The following NCOA2 variants were observed in gnomAD, a reference collection of about 807,000 sequenced individuals.
NCOA2 encodes the protein nuclear receptor coactivator 2, also known as class E basic helix-loop-helix protein 75.
A neutral mutation model predicts 145.1 loss-of-function variants in NCOA2; 21 were observed. The observed-to-expected ratio is 0.14, with a 90% CI of 0.10 to 0.21. The LOEUF (loss-of-function observed/expected upper bound fraction) is 0.21. NCOA2 is among the 10% of genes least tolerant of loss of function. The pLI, the probability that NCOA2 is intolerant of heterozygous loss-of-function variation, is 1.00. For synonymous variants in NCOA2, 619 were observed against 637.5 expected (o/e 0.97, Z 0.44); for missense variants, 1,472 against 1,837.6 (o/e 0.80, Z 3.64).
intron 11 of NCOA2, among the ~76,000 whole-genome samples, chr8:70,153,471 C>T (rs745923721): frequency 2.0e-5 from 3 of 152,208 alleles, no homozygotes; most frequent in South Asian, 2.1e-4. Flanking sequence ...TAAATAAATA[C>T]AGAAATACCA....
the NCOA2 span, among the ~76,000 whole-genome samples, chr8:70,423,838 C>G: frequency 6.6e-6 from 1 of 152,174 alleles, no homozygotes; most frequent in Non-Finnish European, 1.5e-5. Flanking sequence ...GCAGCACACT[C>G]TTGTCCCACA....
chr8:70,418,732 T>C, the NCOA2 span, among the ~76,000 whole-genome samples: 1 of 152,202 alleles, frequency 6.6e-6, no homozygotes, highest in African/African-American at 2.4e-5. Flanking sequence ...AAACTACTAT[T>C]ATAGACCACT....
chr8:70,337,899 A>G (rs1443002297), intron 1 of NCOA2, among the ~76,000 whole-genome samples: 1 of 152,222 alleles, frequency 6.6e-6, no homozygotes, highest in Admixed American at 6.5e-5. Flanking sequence ...TAATGAGAAC[A>G]AAGAGACAAC....
At chr8:70,374,796 TAAAAAA>T (rs543953209) in intron 1 of NCOA2, among the ~76,000 whole-genome samples, 1 of 133,350 alleles carries the variant, frequency 7.5e-6, no homozygotes, top group Non-Finnish European at 1.6e-5. Context: ...GCTGTCTCTT[TAAAAAA>T]AAAAAAAAAG....
intron 2 of NCOA2, among the ~76,000 whole-genome samples, chr8:70,266,829 G>A (rs990193761): frequency 6.6e-6 from 1 of 152,110 alleles, no homozygotes; most frequent in African/African-American, 2.4e-5. Flanking sequence ...TATATACTAC[G>A]CATGAATTAA....
intron 4 of NCOA2, among the ~76,000 whole-genome samples, chr8:70,209,509 G>A (rs1218699854): frequency 6.6e-6 from 1 of 152,144 alleles, no homozygotes; most frequent in Non-Finnish European, 1.5e-5. Context: ...TTTCATGAAA[G>A]TAAGAGTCCA....
At chr8:70,385,547 C>A (rs1379481498) in intron 1 of NCOA2, among the ~76,000 whole-genome samples, 1 of 152,208 alleles carries the variant, frequency 6.6e-6, no homozygotes, top group African/African-American at 2.4e-5. Flanking sequence ...CCACCTCAGC[C>A]TCCTGAGTAG....
In NCOA2 at chr8:70,112,896, T is replaced by C. The variant is rs970253481; in HGVS notation, c.*736A>G. The stretch of plus-strand genomic sequence containing the variant: ...ATGAAAATTATTTCTTCTCAATTCA[T>C]GATTCAGGTGAACCAGTTTGGTTTT... On this transcript the variant is annotated 3_prime_UTR_variant, in exon 23 of 23. Transcript: ENST00000452400. 1 of 199,036 alleles carries C rather than the reference T, an allele frequency of 5.0e-6. No homozygotes were observed. The highest frequency in any genetic ancestry group is 1.0e-5 in the Non-Finnish European group (1 of 96,388). The allele number at this position is 199,036 out of a possible 1,614,324, so 12.3% of individuals were successfully genotyped here.
chr8:70,131,763 C>T, intron 16 of NCOA2, 74 bp downstream of exon 16: 1 of 1,449,446 alleles, frequency 6.9e-7, no homozygotes, highest in Non-Finnish European at 9.3e-7. Context: ...CCGTGGAGTA[C>T]CTGTAAACAG....
At chr8:70,184,062 C>G (rs1244448107) in intron 4 of NCOA2, among the ~76,000 whole-genome samples, 1 of 152,110 alleles carries the variant, frequency 6.6e-6, no homozygotes, top group Non-Finnish European at 1.5e-5. Flanking sequence ...TTTTAAGACT[C>G]TGATTTTTTA....
At position 70,121,463 on chromosome 8, in the gene NCOA2, C is replaced by T. The variant is rs903550525; in HGVS notation, c.4294-72G>A. ...AAGAGTGCACTGGAAAACAAGTGGC[C>T]GCCGCCCTTCCTCTGTTTTTAGGGG... On this transcript the variant is annotated intron_variant, in intron 21 of 22. Transcript: ENST00000452400. 8.4e-6 allele frequency: 10 copies of T among 1,186,446 alleles called. No homozygotes were observed. In the Middle Eastern group the frequency reaches 5.7e-4, roughly 68 times the overall value. 73.5% of individuals were successfully genotyped at this position (1,186,446 alleles called of 1,614,324 possible).
At chr8:70,377,124 T>C (rs1221164655) in intron 1 of NCOA2, among the ~76,000 whole-genome samples, 1 of 152,082 alleles carries the variant, frequency 6.6e-6, no homozygotes, top group East Asian at 1.9e-4. Flanking sequence ...GTGCTTTATG[T>C]ATTTATTTGT....
intron 1 of NCOA2, among the ~76,000 whole-genome samples, chr8:70,388,819 C>CTACT (rs1275676055): frequency 6.6e-6 from 1 of 152,098 alleles, no homozygotes; most frequent in Non-Finnish European, 1.5e-5. Context: ...AAAGATGAAA[C>CTACT]TAAGTAAAAG....
chr8:70,443,066 A>G, the NCOA2 span, among the ~76,000 whole-genome samples: 1 of 152,212 alleles, frequency 6.6e-6, no homozygotes, highest in African/African-American at 2.4e-5. Flanking sequence ...ATAAAAATTT[A>G]CTAAAATAAT....
the NCOA2 span, among the ~76,000 whole-genome samples, chr8:70,431,098 T>C: frequency 6.6e-6 from 1 of 152,156 alleles, no homozygotes; most frequent in African/African-American, 2.4e-5. Context: ...TCCATTACAA[T>C]ATGTAAAAAT....
intron 2 of NCOA2, among the ~76,000 whole-genome samples, chr8:70,276,437 T>C (rs1825474268): frequency 6.6e-6 from 1 of 152,162 alleles, no homozygotes; most frequent in African/African-American, 2.4e-5. Context: ...CTGATATAGT[T>C]TGGTTGTGTC....
At chr8:70,296,188 A>G (rs1461243012) in intron 2 of NCOA2, among the ~76,000 whole-genome samples, 4 of 152,218 alleles carry the variant, frequency 2.6e-5, no homozygotes, top group Non-Finnish European at 5.9e-5. Flanking sequence ...AAGTAAAAAT[A>G]TATCACATGA....
the NCOA2 span, among the ~76,000 whole-genome samples, chr8:70,425,617 C>T: frequency 6.6e-6 from 1 of 152,290 alleles, no homozygotes; most frequent in African/African-American, 2.4e-5. Context: ...CGTGCTTCAC[C>T]CAAATCAAAT....
chr8:70,369,718 C>T (rs1029624063), intron 1 of NCOA2, among the ~76,000 whole-genome samples: 3 of 152,162 alleles, frequency 2.0e-5, no homozygotes, highest in Non-Finnish European at 4.4e-5. Flanking sequence ...CTATTACCTA[C>T]TTCCTAGTAA....
Sources: gnomAD v4.1 joint callset for allele counts (sites outside exome capture counted in the v4.1 genomes callset) on GRCh38, gnomAD v4.1.1 for gene constraint, MANE v1.5 for transcripts, NCBI Gene and HGNC (gene_info 2026-07-23, HGNC 2026-07-21) for gene names.